EHD1: variants seen among roughly 807,000 people sequenced by gnomAD.
The protein encoded by EHD1 is EH domain containing 1.
Under a neutral mutation model 39.0 loss-of-function variants are expected in EHD1, and 19 were observed. That is an observed-to-expected ratio of 0.49 (90% CI 0.34 to 0.72). The LOEUF is 0.72. Ranked by LOEUF, EHD1 falls within the 30% of genes least tolerant of loss-of-function variation. The pLI, the probability that EHD1 is intolerant of heterozygous loss-of-function variation, is 0.01. For missense variants in EHD1, 542 were observed against 751.5 expected (o/e 0.72, Z 3.26); for synonymous variants, 323 against 331.2 (o/e 0.98, Z 0.27).
chr11:64,864,916 G>C (rs889939414), intron 2 of EHD1, among the ~76,000 whole-genome samples: 1 of 152,106 alleles, frequency 6.6e-6, no homozygotes, highest in African/African-American at 2.4e-5. Flanking sequence ...GGGGGGCCCT[G>C]GGGAAAGAGA....
chr11:64,869,093 G>C (rs918004971), intron 2 of EHD1, among the ~76,000 whole-genome samples: 1 of 152,238 alleles, frequency 6.6e-6, no homozygotes, highest in African/African-American at 2.4e-5. Context: ...ATTCTGATGG[G>C]TGTGTAGGCA....
chr11:64,868,107 G>A lies in EHD1; in HGVS notation c.502+6314C>T, dbSNP rs755004310. Among the ~76,000 whole-genome samples, 1 of 152,216 alleles carries A rather than the reference G, an allele frequency of 6.6e-6. No homozygotes were observed. The highest frequency in any genetic ancestry group is 1.5e-5 in the Non-Finnish European group (1 of 68,036). ...CTCCAAAACACAGGTAGTTCCAGCC[G>A]CAGGGGGAAAAGCTGCTTTATACAT... On this transcript the variant is annotated intron_variant, in intron 2 of 4. Coordinates refer to ENST00000320631, the MANE Select transcript of EHD1 (RefSeq NM_006795.4). This position sits in a 1 kb window ranked among gnomAD's most constrained non-coding sequence, Gnocchi z 4.2.
At chr11:64,876,089 A>G (rs1378144746) in intron 1 of EHD1, among the ~76,000 whole-genome samples, 1 of 152,216 alleles carries the variant, frequency 6.6e-6, no homozygotes, top group Non-Finnish European at 1.5e-5. Context: ...AAGAACGCAC[A>G]GGTTTCATCT....
chr11:64,879,126 C>A, upstream of EHD1: 1 of 1,003,980 alleles, frequency 1.0e-6, no homozygotes, highest in Non-Finnish European at 1.2e-6. Context: ...GCTTCCCAGA[C>A]ACACACTGTC....
intron 4 of EHD1, 24 bp from the exon 5 acceptor site, chr11:64,854,881 A>T (rs1161478447): frequency 2.5e-6 from 4 of 1,587,902 alleles, no homozygotes; most frequent in Non-Finnish European, 2.6e-6. Context: ...AGGAAGGACA[A>T]GGGCTGGGAA....
chr11:64,872,299 A>G (rs980812757), intron 2 of EHD1, among the ~76,000 whole-genome samples: 4 of 152,136 alleles, frequency 2.6e-5, no homozygotes, highest in African/African-American at 9.7e-5. Context: ...CATATCTACT[A>G]AAAATATAAA....
chr11:64,852,049 C>T lies in EHD1; in HGVS notation c.*2284G>A, dbSNP rs548487914. 2 of 152,376 alleles carry T rather than the reference C, an allele frequency of 1.3e-5. No homozygotes were observed. The highest frequency in any genetic ancestry group is 4.8e-5 in the African/African-American group (2 of 41,562). 9.4% of individuals were successfully genotyped at this position (152,376 alleles called of 1,614,324 possible). A position where few individuals can be genotyped will look rare whatever the true frequency, so the allele number is the denominator to read the frequency against. ...CACCACACCAGCTAGGCTCGGAGCA[C>T]ACAACTGGGTCCCTGAAACCCTCAG... is the stretch of plus-strand genomic sequence containing the variant. On this transcript the variant is annotated 3_prime_UTR_variant, in exon 5 of 5. Transcript: ENST00000320631.
intron 3 of EHD1, among the ~76,000 whole-genome samples, chr11:64,858,539 G>A (rs922720532): frequency 1.3e-5 from 2 of 152,198 alleles, no homozygotes; most frequent in Non-Finnish European, 2.9e-5. Flanking sequence ...TGAAAGAATA[G>A]CTAGGTGCCC....
chr11:64,857,907 C>T (rs996845073), intron 3 of EHD1, among the ~76,000 whole-genome samples: 2 of 152,206 alleles, frequency 1.3e-5, no homozygotes, highest in East Asian at 3.8e-4. Context: ...TGGGGGCAAG[C>T]ACCCTGCTCT....
At chr11:64,861,238 G>C (rs1943713500) in intron 2 of EHD1, among the ~76,000 whole-genome samples, 1 of 151,490 alleles carries the variant, frequency 6.6e-6, no homozygotes, top group Admixed American at 6.6e-5. Flanking sequence ...AGCACCCTGA[G>C]GGCAGGATTA....
chr11:64,868,429 C>T lies in EHD1; in HGVS notation c.502+5992G>A, dbSNP rs1304506557. Among the ~76,000 whole-genome samples the T allele has an allele frequency of 1.3e-5, 2 of 151,498 alleles. No homozygotes were observed. The highest frequency in any genetic ancestry group is 1.9e-4 in the East Asian group (1 of 5,180). ...ACTGCCCCGGGTGGAACAACCCAAGCGCCCCAACAGGTGAATGGATGACAA... is the reference window on the plus strand; with the variant it reads ...ACTGCCCCGGGTGGAACAACCCAAGTGCCCCAACAGGTGAATGGATGACAA... On this transcript the variant is annotated intron_variant, in intron 2 of 4. Coordinates refer to ENST00000320631, the MANE Select transcript of EHD1 (RefSeq NM_006795.4). The surrounding 1 kb of genome is among the most constrained non-coding windows in gnomAD (Gnocchi z 4.2).
intron 2 of EHD1, among the ~76,000 whole-genome samples, chr11:64,871,282 G>A (rs986710021): frequency 1.3e-5 from 2 of 152,010 alleles, no homozygotes; most frequent in Admixed American, 6.6e-5. Context: ...TGCTTTCCAC[G>A]CCACCAGCAA....
intron 2 of EHD1, among the ~76,000 whole-genome samples, chr11:64,873,746 G>A (rs1030809772): frequency 6.6e-5 from 10 of 151,344 alleles, no homozygotes; most frequent in African/African-American, 2.2e-4. Context: ...GCGCGATCTC[G>A]GCTCACTGCA....
chr11:64,869,682 G>A (rs1052740617), intron 2 of EHD1, among the ~76,000 whole-genome samples: 1 of 152,220 alleles, frequency 6.6e-6, no homozygotes, highest in African/African-American at 2.4e-5. Context: ...AAGTACTAAC[G>A]TGGGACTTGA....
chr11:64,874,575 G>A, intron 1 of EHD1, 57 bp from the exon 2 acceptor site: 2 of 1,416,520 alleles, frequency 1.4e-6, no homozygotes, highest in Non-Finnish European at 1.9e-6. Flanking sequence ...CACTGCTCCG[G>A]ACACAACAAA....
At chr11:64,870,226 T>A (rs1262911065) in intron 2 of EHD1, among the ~76,000 whole-genome samples, 1 of 152,160 alleles carries the variant, frequency 6.6e-6, no homozygotes, top group Non-Finnish European at 1.5e-5. Context: ...TCCACAGTAA[T>A]GACCCAACAG....
intron 2 of EHD1, among the ~76,000 whole-genome samples, chr11:64,861,003 G>C (rs1943710510): frequency 7.3e-6 from 1 of 137,324 alleles, no homozygotes; most frequent in Admixed American, 8.0e-5. Context: ...CTGGGCAACA[G>C]TGTGAGACTC....
rs1943909592 is a variant in EHD1, at chr11:64,878,268, TG to T, written c.196del (p.Gln66SerfsTer13). The T allele has an allele frequency of 6.2e-7, 1 of 1,614,018 alleles. No individual in the cohort carries two copies. Among genetic ancestry groups the T allele is most frequent in the African/African-American group, 1.3e-5 (1 of 74,928 alleles). ...GAAGGTGGTCTTGCCCGTGCTGTAC[TG>T]CCCCACGAGGAGCACCATAGGCTTG... The part of the protein sequence containing the change: ...DNKPMVLLVG[Q>X]YSTGKTTFIR... On this transcript the variant is annotated frameshift_variant, in exon 1 of 5. Transcript: ENST00000320631. LOFTEE classifies it high-confidence loss of function.
At chr11:64,871,140 A>G (rs757044472) in intron 2 of EHD1, among the ~76,000 whole-genome samples, 2 of 152,228 alleles carry the variant, frequency 1.3e-5, no homozygotes, top group South Asian at 4.1e-4. Flanking sequence ...TGCAATTAGC[A>G]ACCCCAATGT....
Sources: gnomAD v4.1 joint callset for allele counts (sites outside exome capture counted in the v4.1 genomes callset) on GRCh38, gnomAD v4.1.1 for gene constraint, Gnocchi (gnomAD v3.1) non-coding constraint, MANE v1.5 for transcripts, NCBI Gene and HGNC (gene_info 2026-07-23, HGNC 2026-07-21) for gene names.